CAPS2: variants seen among roughly 807,000 people sequenced by gnomAD.
The protein encoded by CAPS2 is calcyphosin-2.
CAPS2 carries 98 observed loss-of-function variants against 86.5 expected under a neutral mutation model. The ratio of observed to expected loss-of-function variants is 1.13; its 90% confidence interval spans 0.96 to 1.34. CAPS2 has a LOEUF of 1.34. Ranked by LOEUF, CAPS2 falls within the 40% of genes most tolerant of loss-of-function variation. The probability of loss-of-function intolerance (pLI) is 0.00; values close to 1 mark genes in which losing one functional copy is unlikely to be tolerated. For synonymous variants in CAPS2, 210 were observed against 225.1 expected, an observed-to-expected ratio of 0.93 and a Z score of 0.60; for missense variants, 729 against 686.8, an observed-to-expected ratio of 1.06 and a Z score of -0.69.
chr12:75,277,654 T>A lies in CAPS2; in HGVS notation c.*1236A>T, dbSNP rs939160619. On this transcript the variant is annotated 3_prime_UTR_variant, in exon 17 of 17. Coordinates refer to ENST00000393284, the Ensembl canonical transcript of CAPS2. ...AAAGTGCAACTTTGAATTTGTTGGGTTCACATGTATCACACTTCTCATGTT... is the reference window on the plus strand; with the variant it reads ...AAAGTGCAACTTTGAATTTGTTGGGATCACATGTATCACACTTCTCATGTT... 1.0e-5 allele frequency: 10 copies of A among 984,366 alleles called. No individual in the cohort carries two copies. The African/African-American group carries it at 1.7e-4, about 17-fold the overall frequency. The allele number at this position is 984,366 out of a possible 1,614,324, so 61.0% of individuals were successfully genotyped here.
chr12:75,315,770 G>T (rs969856029), intron 6 of CAPS2, among the ~76,000 whole-genome samples: 1 of 152,090 alleles, frequency 6.6e-6, no homozygotes. Flanking sequence ...ACTCCAAGCA[G>T]CTTGGTCCCT....
At chr12:75,343,351 C>T (rs1484999508) in intron 1 of CAPS2, among the ~76,000 whole-genome samples, 1 of 151,868 alleles carries the variant, frequency 6.6e-6, no homozygotes, top group Non-Finnish European at 1.5e-5. Flanking sequence ...GAGTATTCAT[C>T]CTTTAATTGT....
intron 11 of CAPS2, among the ~76,000 whole-genome samples, chr12:75,295,331 C>T (rs1351112445): frequency 6.6e-6 from 1 of 152,124 alleles, no homozygotes; most frequent in Non-Finnish European, 1.5e-5. Context: ...GCAAATAAAG[C>T]CTTTTGGGAA....
At chr12:75,345,226 T>A (rs2042370997) in intron 1 of CAPS2, among the ~76,000 whole-genome samples, 1 of 152,118 alleles carries the variant, frequency 6.6e-6, no homozygotes, top group Admixed American at 6.5e-5. Context: ...CTAGAAACTG[T>A]CTCCAGGCAA....
intron 1 of CAPS2, among the ~76,000 whole-genome samples, chr12:75,353,854 T>G (rs1041495227): frequency 6.6e-6 from 1 of 152,194 alleles, no homozygotes; most frequent in Admixed American, 6.5e-5. Context: ...AATCAATGAA[T>G]GTAATTCATT....
intron 2 of CAPS2, 60 bp downstream of exon 3, chr12:75,325,179 G>C: frequency 6.9e-7 from 1 of 1,440,426 alleles, no homozygotes; most frequent in Admixed American, 2.6e-5. Flanking sequence ...TTTTTAACTA[G>C]TCAATGTATG....
At chr12:75,376,310 C>A (rs970542824) in intron 1 of CAPS2, among the ~76,000 whole-genome samples, 1 of 152,214 alleles carries the variant, frequency 6.6e-6, no homozygotes, top group Non-Finnish European at 1.5e-5. Context: ...CATTATCCCA[C>A]ACCCTTAATA....
exon 17 of CAPS2, chr12:75,278,682 A>G: frequency 7.9e-7 from 1 of 1,260,164 alleles, no homozygotes. Context: ...ATGCACAAAC[A>G]CTAACACACC....
chr12:75,351,276 A>G (rs1463963223), intron 1 of CAPS2, among the ~76,000 whole-genome samples: 3 of 152,236 alleles, frequency 2.0e-5, no homozygotes, highest in African/African-American at 7.2e-5. Flanking sequence ...GATATCATCC[A>G]GGAGAACTTC....
exon 17 of CAPS2, chr12:75,278,191 A>G (rs1240107972): frequency 1.0e-6 from 1 of 977,736 alleles, no homozygotes; most frequent in African/African-American, 1.8e-5. Context: ...AAAAGAACAA[A>G]TACAACTGGG....
intron 16 of CAPS2, 39 bp downstream of exon 16, chr12:75,282,212 A>G (rs1441138918): frequency 9.5e-7 from 1 of 1,057,530 alleles, no homozygotes; most frequent in East Asian, 2.4e-5. Flanking sequence ...ATTAAGTAAC[A>G]TTTTCAAAGT....
intron 5 of CAPS2, among the ~76,000 whole-genome samples, chr12:75,320,592 G>T (rs2040209500): frequency 6.6e-6 from 1 of 151,784 alleles, no homozygotes; most frequent in South Asian, 2.1e-4. Context: ...TTCCTACATG[G>T]ATTAAAAAAT....
intron 1 of CAPS2, among the ~76,000 whole-genome samples, chr12:75,347,171 G>T (rs1350778026): frequency 6.6e-6 from 1 of 151,840 alleles, no homozygotes; most frequent in Non-Finnish European, 1.5e-5. Context: ...CTTGACAAAG[G>T]TAAGAATATG....
intron 1 of CAPS2, among the ~76,000 whole-genome samples, chr12:75,335,784 A>G (rs2041692284): frequency 6.6e-6 from 1 of 152,072 alleles, no homozygotes; most frequent in South Asian, 2.1e-4. Context: ...AATTGTTAAG[A>G]TATTTTAATA....
Position 75,284,966 on chromosome 12 carries a change from G to A in CAPS2, c.1510C>T (p.Arg504Ter), listed in dbSNP as rs201652520. 3.4e-5 allele frequency: 55 copies of A among 1,597,116 alleles called. No homozygotes were observed. Among genetic ancestry groups the A allele is most frequent in the Admixed American group, 1.7e-4 (10 of 57,748 alleles). ...AGATTACTTAACAAAGTTACCTTTC[G>A]AACATATGATTTCCTGTATTCATTC... Residue 504 changes from arginine to a stop codon, truncating the protein, a stop_gained, in exon 15 of 17, where the codon CGA becomes TGA. Coordinates refer to ENST00000393284, the Ensembl canonical transcript of CAPS2. LOFTEE classifies it high-confidence loss of function.
chr12:75,310,285 G>T (rs2138766003), intron 7 of CAPS2, among the ~76,000 whole-genome samples: 1 of 152,258 alleles, frequency 6.6e-6, no homozygotes, highest in Admixed American at 6.5e-5. Flanking sequence ...TTTATTTATG[G>T]TCAATTTATT....
At chr12:75,278,876 T>C (rs369684430) in exon 17 of CAPS2, 11 of 1,527,718 alleles carry the variant, frequency 7.2e-6, no homozygotes, top group African/African-American at 7.0e-5. Context: ...TGATGACATA[T>C]GTATTATTAA....
chr12:75,321,598 C>G (rs1447975767), intron 4 of CAPS2, 22 bp from the exon 5 acceptor site: 3 of 1,505,438 alleles, frequency 2.0e-6, no homozygotes, highest in Admixed American at 4.3e-5. Flanking sequence ...AAGAAAAAAG[C>G]ATGCTATCAG....
intron 9 of CAPS2, among the ~76,000 whole-genome samples, 156 bp from the exon 10 acceptor site, chr12:75,299,122 T>C (rs1437261329): frequency 1.3e-5 from 2 of 152,172 alleles, no homozygotes; most frequent in Non-Finnish European, 2.9e-5. Flanking sequence ...CACAAAAACA[T>C]AGCTTGCTGA....
Sources: allele counts gnomAD v4.1 joint callset (sites outside exome capture counted in the v4.1 genomes callset), GRCh38; gene constraint gnomAD v4.1.1; transcripts MANE v1.5; gene names NCBI Gene and HGNC (gene_info 2026-07-23, HGNC 2026-07-21).